CDH4: variants seen among roughly 807,000 people sequenced by gnomAD.
CDH4 encodes the protein cadherin-4.
A neutral mutation model predicts 86.0 loss-of-function variants in CDH4; 33 were observed. The observed-to-expected ratio is 0.38, with a 90% CI of 0.29 to 0.51. The LOEUF (loss-of-function observed/expected upper bound fraction) is 0.51, where lower values mean the gene tolerates loss of function less well. Ranked by LOEUF, CDH4 falls within the 20% of genes least tolerant of loss-of-function variation. The pLI, the probability that CDH4 is intolerant of heterozygous loss-of-function variation, is 0.86. For missense variants in CDH4, 1,114 were observed against 1,307.4 expected (o/e 0.85, Z 2.28); for synonymous variants, 555 against 549.4 (o/e 1.01, Z -0.14).
Position 61,586,034 on chromosome 20 carries a change from TGTG to T in CDH4, c.170-157525_170-157523del, listed in dbSNP as rs572408007. ...GTGATTGTGATGGTGATGGTGATGATGTGGTGATGAGGAGGATGATGGTGATGG... is the reference window on the plus strand; with the variant it reads ...GTGATTGTGATGGTGATGGTGATGATGTGATGAGGAGGATGATGGTGATGG... On this transcript the variant is annotated intron_variant, in intron 2 of 15. Coordinates refer to ENST00000614565, the MANE Select transcript of CDH4 (RefSeq NM_001794.5). Among the ~76,000 whole-genome samples, 301 of 148,288 alleles carry T rather than the reference TGTG, an allele frequency of 2.0e-3. 3 individuals carry two copies. The highest frequency in any genetic ancestry group is 0.011 in the East Asian group (53 of 4,942).
chr20:61,373,473 T>C (rs1316859567), intron 2 of CDH4, among the ~76,000 whole-genome samples: 1 of 152,264 alleles, frequency 6.6e-6, no homozygotes, highest in East Asian at 1.9e-4. Flanking sequence ...TTGAAGATAA[T>C]GTGCTGGATG....
chr20:61,317,706 T>G (rs1460079153), intron 2 of CDH4, among the ~76,000 whole-genome samples: 1 of 152,120 alleles, frequency 6.6e-6, no homozygotes, highest in Non-Finnish European at 1.5e-5. Flanking sequence ...CTCTAGATGT[T>G]GCCCAGTGTC....
intron 5 of CDH4, among the ~76,000 whole-genome samples, chr20:61,850,651 A>G (rs1414916467): frequency 6.6e-6 from 1 of 152,228 alleles, no homozygotes. Context: ...GTCCTATTCA[A>G]GATGTTGCAG....
At chr20:61,399,674 G>T (rs534008146) in intron 2 of CDH4, among the ~76,000 whole-genome samples, 24 of 152,138 alleles carry the variant, frequency 1.6e-4, no homozygotes, top group Non-Finnish European at 3.1e-4. Flanking sequence ...GGCCACTCAC[G>T]TCCACCTGCC....
intron 2 of CDH4, among the ~76,000 whole-genome samples, chr20:61,546,393 A>T (rs2086087361): frequency 6.7e-6 from 1 of 150,334 alleles, no homozygotes; most frequent in African/African-American, 2.5e-5. Context: ...GTGTGCACAC[A>T]TGCATGTGCG....
At chr20:61,819,082 C>T (rs1980883765) in intron 4 of CDH4, among the ~76,000 whole-genome samples, 1 of 152,240 alleles carries the variant, frequency 6.6e-6, no homozygotes. Context: ...AGGACCCTGT[C>T]CAGATGGGCT....
At chr20:61,513,558 G>C (rs181648435) in intron 2 of CDH4, among the ~76,000 whole-genome samples, 14 of 152,346 alleles carry the variant, frequency 9.2e-5, no homozygotes, top group African/African-American at 3.1e-4. Context: ...GCCGGGCCCA[G>C]AATTCCGTGC....
At chr20:61,295,363 G>A (rs976262657) in intron 2 of CDH4, among the ~76,000 whole-genome samples, 17 of 152,294 alleles carry the variant, frequency 1.1e-4, no homozygotes, top group East Asian at 9.7e-4. Context: ...AAGCACACTG[G>A]CGAAGGGTGT....
At chr20:61,772,483 CCTTTT>C (rs1386585127) in intron 3 of CDH4, among the ~76,000 whole-genome samples, 1 of 152,064 alleles carries the variant, frequency 6.6e-6, no homozygotes, top group Non-Finnish European at 1.5e-5. Context: ...CTATTCATGT[CCTTTT>C]CTTGTTTGGA....
At chr20:61,826,962 AGTGTGTGTGTGTGTGTGTGTGTGTGTGT>A (rs11470719) in intron 4 of CDH4, among the ~76,000 whole-genome samples, 2 of 146,090 alleles carry the variant, frequency 1.4e-5, no homozygotes, top group South Asian at 4.4e-4. Flanking sequence ...AGAAGGGAAA[AGTGTGTGTGTGTGTGTGTGTGTGTGTGT>A]GTGTGTGTGT....
At chr20:61,546,463 C>T (rs995643766) in intron 2 of CDH4, among the ~76,000 whole-genome samples, 1 of 151,742 alleles carries the variant, frequency 6.6e-6, no homozygotes, top group African/African-American at 2.4e-5. Flanking sequence ...GGACTCAGTG[C>T]TTCTAGGATC....
chr20:61,838,623 A>G (rs1439880722), intron 4 of CDH4, among the ~76,000 whole-genome samples: 1 of 152,100 alleles, frequency 6.6e-6, no homozygotes, highest in African/African-American at 2.4e-5. Flanking sequence ...GACGGGCAAC[A>G]TGGTGAAACC....
intron 2 of CDH4, among the ~76,000 whole-genome samples, chr20:61,552,154 CTG>C (rs1267637864): frequency 3.3e-5 from 5 of 152,104 alleles, no homozygotes; most frequent in African/African-American, 1.2e-4. Flanking sequence ...TTAAAAATGT[CTG>C]TGTTTTAAAG....
intron 3 of CDH4, among the ~76,000 whole-genome samples, chr20:61,770,380 G>T (rs574672261): frequency 6.6e-6 from 1 of 152,324 alleles, no homozygotes; most frequent in African/African-American, 2.4e-5. Flanking sequence ...CTGGTGCAAG[G>T]TCCATTCTCC....
At chr20:61,634,452 C>T (rs968190893) in intron 2 of CDH4, among the ~76,000 whole-genome samples, 3 of 152,192 alleles carry the variant, frequency 2.0e-5, no homozygotes, top group East Asian at 1.9e-4. Context: ...CTGACTTCCG[C>T]GAGTGTTCTC....
chr20:61,630,539 G>T (rs771792343), intron 2 of CDH4, among the ~76,000 whole-genome samples: 10 of 152,202 alleles, frequency 6.6e-5, no homozygotes, highest in Admixed American at 3.9e-4. Context: ...GCCCCTGGCT[G>T]TGGGATCCAG....
chr20:61,640,688 G>A (rs937283305), intron 2 of CDH4, among the ~76,000 whole-genome samples: 1 of 152,190 alleles, frequency 6.6e-6, no homozygotes, highest in Admixed American at 6.5e-5. Context: ...TTTGCTGGCA[G>A]AGAATTTATA....
intron 3 of CDH4, among the ~76,000 whole-genome samples, chr20:61,771,646 A>C (rs2088777460): frequency 6.6e-6 from 1 of 151,916 alleles, no homozygotes; most frequent in African/African-American, 2.4e-5. Context: ...AAAGGAAAAA[A>C]TGCAGGTGCA....
intron 2 of CDH4, among the ~76,000 whole-genome samples, chr20:61,571,775 A>T (rs1053940042): frequency 1.1e-4 from 1 of 8,766 alleles, no homozygotes; most frequent in Non-Finnish European, 2.5e-4. Context: ...ACCCTTCCCC[A>T]CCCCTTCCCG....
Sources: gnomAD v4.1 joint callset for allele counts (sites outside exome capture counted in the v4.1 genomes callset) on GRCh38, gnomAD v4.1.1 for gene constraint, MANE v1.5 for transcripts, NCBI Gene and HGNC (gene_info 2026-07-23, HGNC 2026-07-21) for gene names.